The following EPG5 variants were observed in gnomAD, a reference collection of about 807,000 sequenced individuals.
EPG5 encodes the protein ectopic P granules protein 5 homolog.
EPG5 carries 159 observed loss-of-function variants against 302.7 expected under a neutral mutation model. The observed-to-expected ratio is 0.53, with a 90% CI of 0.46 to 0.60. The LOEUF is 0.60. Among genes scored for constraint, EPG5 ranks in the 20% least tolerant of loss-of-function variants. EPG5 has a pLI of 0.00. For missense variants in EPG5, 2,896 were observed against 3,092.4 expected, an observed-to-expected ratio of 0.94 and a Z score of 1.51; for synonymous variants, 1,158 against 1,136.8, an observed-to-expected ratio of 1.02 and a Z score of -0.37.
the EPG5 span, chr18:45,837,599 A>C: frequency 6.6e-7 from 1 of 1,510,388 alleles, no homozygotes; most frequent in Non-Finnish European, 8.8e-7. Flanking sequence ...CTGCACCTTC[A>C]CGCACCCGCA....
At chr18:45,879,827 T>C (rs1396212177) in intron 32 of EPG5, among the ~76,000 whole-genome samples, 1 of 152,074 alleles carries the variant, frequency 6.6e-6, no homozygotes, top group Non-Finnish European at 1.5e-5. Flanking sequence ...TCCGATGGGC[T>C]AGGGTGGGCA....
intron 11 of EPG5, among the ~76,000 whole-genome samples, chr18:45,933,986 T>C (rs1053362285): frequency 6.6e-6 from 1 of 152,114 alleles, no homozygotes; most frequent in Non-Finnish European, 1.5e-5. Context: ...AACATTATAA[T>C]TTTGTTATAA....
intron 35 of EPG5, 137 bp downstream of exon 35, chr18:45,876,099 A>G (rs1000240142): frequency 1.1e-5 from 7 of 631,860 alleles, no homozygotes; most frequent in Non-Finnish European, 1.9e-5. Flanking sequence ...AACACTAAAT[A>G]ATTGTATCAG....
intron 2 of EPG5, 96 bp downstream of exon 2, chr18:45,954,298 G>T: frequency 9.0e-7 from 1 of 1,116,406 alleles, no homozygotes; most frequent in Non-Finnish European, 1.3e-6. Flanking sequence ...GGCTGAGGCA[G>T]GGTCAGAGTG....
intron 11 of EPG5, among the ~76,000 whole-genome samples, chr18:45,933,405 A>G (rs9946797): frequency 0.19 from 29,118 of 152,238 alleles, 4,350 homozygotes; most frequent in African/African-American, 0.38. Context: ...GAGGCTGAGT[A>G]CGGTGGCTCA....
chr18:45,859,980 G>C, intron 40 of EPG5, 124 bp downstream of exon 40: 3 of 1,245,882 alleles, frequency 2.4e-6, no homozygotes, highest in Non-Finnish European at 3.4e-6. Flanking sequence ...AACATTTGTA[G>C]AGCAGAAAAT....
chr18:45,875,899 A>T (rs1419552024), intron 35 of EPG5, among the ~76,000 whole-genome samples: 2 of 152,102 alleles, frequency 1.3e-5, no homozygotes, highest in African/African-American at 4.8e-5. Flanking sequence ...TACTAAAACT[A>T]CAAAAAAATT....
At chr18:45,823,987 G>A in the EPG5 span, among the ~76,000 whole-genome samples, 124 of 152,296 alleles carry the variant, frequency 8.1e-4, no homozygotes, top group African/African-American at 2.9e-3. Context: ...AAATAAATAA[G>A]TACATAATGT....
chr18:45,954,595 C>T lies in EPG5; in HGVS notation c.807G>A (p.Leu269=). 6.2e-7 allele frequency: 1 copy of T among 1,614,230 alleles called. No individual in the cohort carries two copies. Among genetic ancestry groups the T allele is most frequent in the Non-Finnish European group, 8.5e-7 (1 of 1,180,040 alleles). ...CTTCTAAATATGACTCAACATTTTCCAGCCATGAACCAGGCTCCAAGATTT... is the reference window on the plus strand; with the variant it reads ...CTTCTAAATATGACTCAACATTTTCTAGCCATGAACCAGGCTCCAAGATTT... The part of the protein sequence containing the change: ...QLKILEPGSW[L]ENVESYLEEF... The change falls in exon 2 of 44, where the codon CTG becomes CTA. Residue 269 remains leucine (L), a synonymous_variant. Coordinates refer to ENST00000282041, the MANE Select transcript of EPG5 (RefSeq NM_020964.3).
At chr18:45,878,285 A>C (rs1434186181) in intron 34 of EPG5, 91 bp downstream of exon 34, 51 of 828,162 alleles carry the variant, frequency 6.2e-5, no homozygotes, top group Non-Finnish European at 9.7e-5. Context: ...TAAAAAATTA[A>C]ATCTGTGAAC....
At chr18:45,818,256 A>AT in the EPG5 span, among the ~76,000 whole-genome samples, 7,207 of 148,164 alleles carry the variant, frequency 0.049, 364 homozygotes, top group Admixed American at 0.12. Context: ...GGAAGATTTT[A>AT]TTTTTTTTTT....
At chr18:45,944,348 G>C (rs1410403750) in intron 7 of EPG5, among the ~76,000 whole-genome samples, 1 of 152,170 alleles carries the variant, frequency 6.6e-6, no homozygotes, top group Non-Finnish European at 1.5e-5. Context: ...CTGGGTCACA[G>C]CAAGTGATTG....
intron 23 of EPG5, among the ~76,000 whole-genome samples, chr18:45,909,081 G>A (rs2049829391): frequency 6.6e-6 from 1 of 152,176 alleles, no homozygotes; most frequent in Admixed American, 6.5e-5. Flanking sequence ...TTACTGGGTA[G>A]GGGACTGGGA....
chr18:45,941,111 T>C (rs2050655688), intron 9 of EPG5, among the ~76,000 whole-genome samples: 1 of 151,678 alleles, frequency 6.6e-6, no homozygotes, highest in Non-Finnish European at 1.5e-5. Context: ...AGAAGAGAGG[T>C]CCAGGGACTG....
chr18:45,928,448 T>C (rs1349311794), intron 13 of EPG5, among the ~76,000 whole-genome samples: 1 of 152,228 alleles, frequency 6.6e-6, no homozygotes, highest in East Asian at 1.9e-4. Context: ...ATTAAATGTG[T>C]CCTCCTCAAC....
At position 45,855,588 on chromosome 18, in the gene EPG5, G is replaced by A. The variant is rs776306978; in HGVS notation, c.7542C>T (p.Thr2514=). The A allele has an allele frequency of 2.4e-5, 39 of 1,613,574 alleles. No individual in the cohort carries two copies. The highest frequency in any genetic ancestry group is 3.2e-5 in the Non-Finnish European group (38 of 1,179,680). The change falls in exon 43 of 44, where the codon ACC becomes ACT. Residue 2514 remains threonine (T), a synonymous_variant. Coordinates refer to ENST00000282041, the MANE Select transcript of EPG5 (RefSeq NM_020964.3). ...RLRPGSELHL[T]PKAQQALNAL... Reference sequence around the variant, plus strand: ...ATATACTGACCTGCTGAGCTTTGGGGGTCAGATGTAATTCAGAGCCAGGCC... The same window carrying A: ...ATATACTGACCTGCTGAGCTTTGGGAGTCAGATGTAATTCAGAGCCAGGCC...
chr18:45,952,974 C>T (rs2050944764), intron 2 of EPG5, among the ~76,000 whole-genome samples: 1 of 152,054 alleles, frequency 6.6e-6, no homozygotes, highest in African/African-American at 2.4e-5. Context: ...GAGTTTGAGA[C>T]CAGCCTGGCC....
rs2143746816 is a variant in EPG5 at position 45,952,483 on chromosome 18, C to G, written c.1169G>C (p.Arg390Thr). The G allele has an allele frequency of 3.1e-6, 5 of 1,614,198 alleles. No homozygotes were observed. Among genetic ancestry groups the G allele is most frequent in the Non-Finnish European group, 4.2e-6 (5 of 1,180,036 alleles). The change falls in exon 3 of 44, where the codon AGA (arginine) becomes ACA (threonine). Residue 390 changes from arginine to threonine, a missense_variant. Physicochemically the swap from Arg to Thr is moderately conservative, Grantham distance 71. Coordinates refer to ENST00000282041, the MANE Select transcript of EPG5 (RefSeq NM_020964.3). ...ATAGATGTAAGACTCCACTTGCAATCTTGAGAGCACAGAAGTATAAGAATG... is the reference window on the plus strand; with the variant it reads ...ATAGATGTAAGACTCCACTTGCAATGTTGAGAGCACAGAAGTATAAGAATG... ...ALHSYTSVLS[R>T]LQVESYIYAL...
the EPG5 span, among the ~76,000 whole-genome samples, chr18:45,805,168 C>A: frequency 6.6e-6 from 1 of 151,830 alleles, no homozygotes; most frequent in South Asian, 2.1e-4. Context: ...GCACTAAATG[C>A]AATATGGTAC....
Sources: gnomAD v4.1 joint callset for allele counts (sites outside exome capture counted in the v4.1 genomes callset) on GRCh38, gnomAD v4.1.1 for gene constraint, MANE v1.5 for transcripts, NCBI Gene and HGNC (gene_info 2026-07-23, HGNC 2026-07-21) for gene names.